The following POLA1 variants were observed in gnomAD, a reference collection of about 807,000 sequenced individuals.
The protein encoded by POLA1 is DNA polymerase alpha 1, catalytic subunit.
Under a neutral mutation model 124.0 loss-of-function variants are expected in POLA1, and 15 were observed. The observed-to-expected ratio is 0.12, with a 90% CI of 0.08 to 0.19. The LOEUF is 0.19. Among genes scored for constraint, POLA1 ranks in the 10% least tolerant of loss-of-function variants. POLA1 has a pLI of 1.00. For synonymous variants in POLA1, 408 were observed against 389.4 expected (o/e 1.05, Z -0.56); for missense variants, 886 against 1,103.4 (o/e 0.80, Z 2.79).
In POLA1 at chrX:24,770,255, A is replaced by G. The variant is rs756655397; in HGVS notation, c.2964+21263A>G. Among the ~76,000 whole-genome samples, 67 of 111,702 alleles carry G rather than the reference A, an allele frequency of 6.0e-4. 1 individual carries two copies. Among genetic ancestry groups the G allele is most frequent in the African/African-American group, 2.1e-3 (64 of 30,783 alleles). On this transcript the variant is annotated intron_variant, in intron 26 of 36. Coordinates refer to ENST00000379068, the MANE Select transcript of POLA1 (RefSeq NM_001330360.2). ...GACAGACCATGGTCCCTGGTCCCTG[A>G]TTATAGTCTGAGTTGGGAGTAGAGG...
intron 26 of POLA1, among the ~76,000 whole-genome samples, chrX:24,804,001 T>C (rs11573410): frequency 1.2e-4 from 13 of 106,030 alleles, no homozygotes; most frequent in Admixed American, 1.2e-3. Flanking sequence ...TGCAAAGCAC[T>C]TTTTAAGCCT....
chrX:24,749,467 A>G (rs1366948804), intron 26 of POLA1, among the ~76,000 whole-genome samples: 2 of 112,008 alleles, frequency 1.8e-5, no homozygotes, highest in Non-Finnish European at 3.8e-5. Context: ...GAATGTTTGG[A>G]TGGCTGGTTT....
chrX:24,879,896 T>C (rs1441679304), intron 34 of POLA1, among the ~76,000 whole-genome samples: 1 of 111,786 alleles, frequency 8.9e-6, no homozygotes, highest in Non-Finnish European at 1.9e-5. Flanking sequence ...AGGGGTAAAA[T>C]ACAATTGCTG....
Position 24,716,991 on chromosome X carries a change from G to C in POLA1, c.706+20G>C. The C allele has an allele frequency of 9.6e-7, 1 of 1,038,491 alleles. No individual in the cohort carries two copies. The highest frequency in any genetic ancestry group is 1.3e-6 in the Non-Finnish European group (1 of 743,124). The allele number at this position is 1,038,491 out of a possible 1,213,427, so 85.6% of individuals were successfully genotyped here. A position where few individuals can be genotyped will look rare whatever the true frequency, so the allele number is the denominator to read the frequency against. On this transcript the variant is annotated intron_variant, in intron 8 of 36. Transcript: ENST00000379068. ...TTGCTGGTAAGTGTGATGTCAGGCA[G>C]AATTGCAAGAGTGTTGAGTGGTTTC...
intron 34 of POLA1, among the ~76,000 whole-genome samples, chrX:24,874,305 A>T (rs920631491): frequency 8.9e-6 from 1 of 112,257 alleles, no homozygotes; most frequent in Non-Finnish European, 1.9e-5. Flanking sequence ...TTTAAGAACT[A>T]TATTTTATTG....
intron 35 of POLA1, among the ~76,000 whole-genome samples, chrX:24,925,784 C>T (rs1337388526): frequency 1.8e-5 from 2 of 111,539 alleles, no homozygotes; most frequent in Admixed American, 1.9e-4. Context: ...TGGAGTCTTG[C>T]TCTGTTGCCC....
At chrX:24,897,578 T>C (rs943983512) in intron 35 of POLA1, among the ~76,000 whole-genome samples, 9 of 112,001 alleles carry the variant, frequency 8.0e-5, no homozygotes, top group African/African-American at 2.9e-4. Context: ...TTGTTTCCAT[T>C]TCCAGTTCTT....
chrX:24,797,899 T>A (rs1309664646), intron 26 of POLA1, among the ~76,000 whole-genome samples: 1 of 106,341 alleles, frequency 9.4e-6, no homozygotes, highest in East Asian at 3.0e-4. Context: ...AAAAAAAAAA[T>A]TAGCCAGGCT....
chrX:24,730,719 A>G (rs764524664), intron 15 of POLA1, among the ~76,000 whole-genome samples: 5 of 112,465 alleles, frequency 4.4e-5, no homozygotes, highest in Non-Finnish European at 7.5e-5. Flanking sequence ...CTTCTACTGA[A>G]CAAAGATGGG....
rs147358636 is a variant in POLA1 at position 24,722,329 on chromosome X, A to G, written c.1088-826A>G. Among the ~76,000 whole-genome samples the G allele has an allele frequency of 1.9e-3, 209 of 112,130 alleles. No homozygotes were observed. The East Asian group carries it at 0.03, about 16-fold the overall frequency. On this transcript the variant is annotated intron_variant, in intron 10 of 36. Transcript: ENST00000379068. ...TCTTCGTGGCCAATTTTCATAAACA[A>G]TGATTTGATGTCTAAAAAGGTGTGG...
In POLA1 at chrX:24,951,352, C is replaced by G. The variant is rs1169644921; in HGVS notation, c.4261+20803C>G. Among the ~76,000 whole-genome samples the G allele has an allele frequency of 2.4e-5, 2 of 83,114 alleles. 1 individual carries two copies. The highest frequency in any genetic ancestry group is 4.9e-5 in the Non-Finnish European group (2 of 40,493). The allele number at this position is 83,114 out of a possible 115,157, so 72.2% of individuals were successfully genotyped here. On this transcript the variant is annotated intron_variant, in intron 36 of 36. Coordinates refer to ENST00000379068, the MANE Select transcript of POLA1 (RefSeq NM_001330360.2). ...CTTTAAACACCTCCCTACCCCCCCC[C>G]CCCCCCACCAAATGCAGACGAGGAT...
At chrX:24,909,832 G>A (rs2047422019) in intron 35 of POLA1, among the ~76,000 whole-genome samples, 1 of 109,688 alleles carries the variant, frequency 9.1e-6, no homozygotes, top group African/African-American at 3.3e-5. Context: ...TGGGCAGTAT[G>A]GCCATTTTCA....
chrX:24,965,900 G>A lies in POLA1; in HGVS notation c.4262-29905G>A, dbSNP rs147213022. ...TCTCCTGGTGTTAAGAACCTGCTTC[G>A]GTTCTTAAAATAAACAAAGGTATCA... On this transcript the variant is annotated intron_variant, in intron 36 of 36. Transcript: ENST00000379068. Among the ~76,000 whole-genome samples the A allele has an allele frequency of 9.3e-3, 1,038 of 111,284 alleles. 8 individuals are homozygous for A. Among genetic ancestry groups the A allele is most frequent in the Non-Finnish European group, 0.013 (699 of 53,022 alleles).
intron 26 of POLA1, among the ~76,000 whole-genome samples, chrX:24,787,730 G>GT (rs1470760958): frequency 2.7e-5 from 3 of 111,687 alleles, no homozygotes; most frequent in Non-Finnish European, 5.7e-5. Flanking sequence ...TTTTAGGATT[G>GT]TTTTTTCTAT....
At chrX:24,838,354 A>G (rs1428303190) in intron 32 of POLA1, among the ~76,000 whole-genome samples, 2 of 111,587 alleles carry the variant, frequency 1.8e-5, no homozygotes, top group Non-Finnish European at 3.8e-5. Flanking sequence ...CAAGCCACAT[A>G]ATTGAATTAA....
intron 35 of POLA1, among the ~76,000 whole-genome samples, chrX:24,907,859 G>A (rs1354702195): frequency 8.9e-6 from 1 of 111,931 alleles, no homozygotes; most frequent in East Asian, 2.8e-4. Context: ...TTTTGCAGGT[G>A]AAAACAAAAA....
At chrX:24,725,355 C>T (rs1930477075) in intron 12 of POLA1, among the ~76,000 whole-genome samples, 1 of 109,789 alleles carries the variant, frequency 9.1e-6, no homozygotes, top group South Asian at 4.0e-4. Flanking sequence ...CCACAATGCC[C>T]AGCTAATTTT....
intron 26 of POLA1, among the ~76,000 whole-genome samples, chrX:24,753,988 A>C (rs752793926): frequency 9.0e-6 from 1 of 111,605 alleles, no homozygotes; most frequent in South Asian, 3.8e-4. Flanking sequence ...ATTTGTGCAC[A>C]TTAAAAGTGT....
chrX:24,902,004 G>GCA (rs781587090), intron 35 of POLA1, among the ~76,000 whole-genome samples: 2,313 of 104,927 alleles, frequency 0.022, 34 homozygotes, highest in African/African-American at 0.05. Flanking sequence ...GCATGTGCGT[G>GCA]CACACACACA....
Sources: gnomAD v4.1 joint callset for allele counts (sites outside exome capture counted in the v4.1 genomes callset) on GRCh38, gnomAD v4.1.1 for gene constraint, MANE v1.5 for transcripts, NCBI Gene and HGNC (gene_info 2026-07-23, HGNC 2026-07-21) for gene names.